The following CAPZA2 variants were observed in gnomAD, a reference collection of about 807,000 sequenced individuals.
The protein encoded by CAPZA2 is capping actin protein of muscle Z-line subunit alpha 2.
A neutral mutation model predicts 44.0 loss-of-function variants in CAPZA2; 13 were observed. The observed-to-expected ratio is 0.30, with a 90% CI of 0.19 to 0.47. The LOEUF is 0.47. Ranked by LOEUF, CAPZA2 falls within the 20% of genes least tolerant of loss-of-function variation. The probability of loss-of-function intolerance (pLI) is 1.00; values close to 1 mark genes in which losing one functional copy is unlikely to be tolerated. For synonymous variants in CAPZA2, 94 were observed against 108.2 expected (o/e 0.87, Z 0.81); for missense variants, 244 against 338.6 (o/e 0.72, Z 2.19).
In CAPZA2 at chr7:116,918,201, T is replaced by C. The variant is rs1791706023; in HGVS notation, c.*334T>C. On this transcript the variant is annotated 3_prime_UTR_variant, in exon 10 of 10. Transcript: ENST00000361183. ...ACTGTAACCCTAAAATTGATGTCTT[T>C]TGGTTTATGAAATCAGTAATTTTTG... The C allele has an allele frequency of 5.2e-6, 1 of 193,648 alleles. No individual in the cohort carries two copies. Among genetic ancestry groups the C allele is most frequent in the African/African-American group, 2.3e-5 (1 of 43,044 alleles). 12.0% of individuals were successfully genotyped at this position (193,648 alleles called of 1,614,324 possible).
intron 8 of CAPZA2, among the ~76,000 whole-genome samples, chr7:116,912,471 C>T (rs937245060): frequency 6.6e-6 from 1 of 152,134 alleles, no homozygotes; most frequent in Non-Finnish European, 1.5e-5. Context: ...AGCAATCATT[C>T]TCCATTCTAC....
intron 8 of CAPZA2, chr7:116,915,398 A>G (rs936132316): frequency 6.6e-6 from 1 of 152,208 alleles, no homozygotes; most frequent in East Asian, 1.9e-4. Context: ...AACTTGACTA[A>G]TATGCCAGTT....
intron 2 of CAPZA2, among the ~76,000 whole-genome samples, chr7:116,890,916 A>G (rs1397642679): frequency 1.3e-5 from 2 of 152,068 alleles, no homozygotes; most frequent in Non-Finnish European, 2.9e-5. Context: ...AAATTTTAGA[A>G]TTACAAAGTT....
rs938772815 is a variant in CAPZA2 at position 116,920,938 on chromosome 7, C to T, written c.*3071C>T. The T allele has an allele frequency of 6.6e-6, 1 of 152,204 alleles. No homozygotes were observed. Among genetic ancestry groups the T allele is most frequent in the African/African-American group, 2.4e-5 (1 of 41,408 alleles). The allele number at this position is 152,204 out of a possible 1,614,324, so 9.4% of individuals were successfully genotyped here. A position where few individuals can be genotyped will look rare whatever the true frequency, so the allele number is the denominator to read the frequency against. ...TGGTTTTGCCCAGAGTGAATGACCA[C>T]ATGAAGAGGGGCAGGGTATGATGAT... On this transcript the variant is annotated 3_prime_UTR_variant, in exon 10 of 10. Transcript: ENST00000361183.
chr7:116,906,239 A>C, intron 5 of CAPZA2, 24 bp from the exon 6 acceptor site: 1 of 1,603,990 alleles, frequency 6.2e-7, no homozygotes. Flanking sequence ...ATTCATTCTT[A>C]TGCTTATTTT....
chr7:116,863,571 C>T (rs1796445255), intron 1 of CAPZA2, among the ~76,000 whole-genome samples: 1 of 152,190 alleles, frequency 6.6e-6, no homozygotes, highest in South Asian at 2.1e-4. Flanking sequence ...TAATTCGCCC[C>T]TTTCGTTTGG....
rs983675946 is a variant in CAPZA2 at position 116,918,797 on chromosome 7, G to T, written c.*930G>T. The T allele has an allele frequency of 6.6e-6, 1 of 151,970 alleles. No individual in the cohort carries two copies. Among genetic ancestry groups the T allele is most frequent in the African/African-American group, 2.4e-5 (1 of 41,370 alleles). 9.4% of individuals were successfully genotyped at this position (151,970 alleles called of 1,614,324 possible). The stretch of plus-strand genomic sequence containing the variant: ...TTTTAAAATACTTTCTTTGGATATT[G>T]TAATTCTTAACTGGTTGTAAATTAG... On this transcript the variant is annotated 3_prime_UTR_variant, in exon 10 of 10. Coordinates refer to ENST00000361183, the MANE Select transcript of CAPZA2 (RefSeq NM_006136.3).
chr7:116,882,696 C>T (rs1021619046), intron 1 of CAPZA2, among the ~76,000 whole-genome samples: 4 of 151,974 alleles, frequency 2.6e-5, no homozygotes, highest in East Asian at 1.9e-4. Flanking sequence ...CTACAAGAAG[C>T]GCAATAGAAT....
chr7:116,906,505 A>G, intron 6 of CAPZA2, 163 bp downstream of exon 6: 2 of 1,227,126 alleles, frequency 1.6e-6, no homozygotes, highest in Non-Finnish European at 2.2e-6. Context: ...AATTTGCTCA[A>G]CAGCCTAATC....
chr7:116,917,157 A>G (rs1791690989), intron 9 of CAPZA2, among the ~76,000 whole-genome samples: 1 of 152,194 alleles, frequency 6.6e-6, no homozygotes, highest in Non-Finnish European at 1.5e-5. Context: ...TAAATTCAAA[A>G]TGACACACAA....
intron 1 of CAPZA2, among the ~76,000 whole-genome samples, chr7:116,887,907 A>G (rs878887568): frequency 6.6e-6 from 1 of 152,250 alleles, no homozygotes; most frequent in Non-Finnish European, 1.5e-5. Flanking sequence ...TTATTCATTC[A>G]GTATTGTATA....
chr7:116,882,910 G>C (rs1436401375), intron 1 of CAPZA2, among the ~76,000 whole-genome samples: 2 of 151,982 alleles, frequency 1.3e-5, no homozygotes, highest in Non-Finnish European at 2.9e-5. Context: ...CTTTATCATG[G>C]AGGGATAGAG....
At chr7:116,916,540 C>T (rs1791681738) in intron 9 of CAPZA2, among the ~76,000 whole-genome samples, 1 of 152,048 alleles carries the variant, frequency 6.6e-6, no homozygotes, top group South Asian at 2.1e-4. Context: ...GCAGGACAAT[C>T]GCTTGAACCT....
intron 6 of CAPZA2, among the ~76,000 whole-genome samples, chr7:116,907,733 C>T (rs778229409): frequency 1.3e-5 from 2 of 152,120 alleles, no homozygotes; most frequent in Non-Finnish European, 2.9e-5. Context: ...CTCCTGCCTC[C>T]GGTTCCCAAG....
At chr7:116,913,769 A>ATTTTTTTT (rs10717939) in intron 8 of CAPZA2, among the ~76,000 whole-genome samples, 1 of 87,710 alleles carries the variant, frequency 1.1e-5, no homozygotes, top group Non-Finnish European at 2.2e-5. Flanking sequence ...CACCCAGCTA[A>ATTTTTTTT]TTTTTTTTTT....
intron 1 of CAPZA2, chr7:116,876,155 CAGG>C (rs990786940): frequency 6.6e-6 from 1 of 150,654 alleles, no homozygotes; most frequent in Non-Finnish European, 1.5e-5. Context: ...GAGGCTGAGA[CAGG>C]AGAATGGTGT....
intron 1 of CAPZA2, among the ~76,000 whole-genome samples, chr7:116,887,719 G>A (rs1056067083): frequency 6.6e-6 from 1 of 152,236 alleles, no homozygotes; most frequent in Admixed American, 6.5e-5. Flanking sequence ...TGTAGTCCCA[G>A]CTACTTGGGA....
At chr7:116,877,119 C>G (rs1796632167) in intron 1 of CAPZA2, among the ~76,000 whole-genome samples, 1 of 152,164 alleles carries the variant, frequency 6.6e-6, no homozygotes, top group Admixed American at 6.5e-5. Context: ...CCATTCAGGG[C>G]TCTCCCTGTT....
intron 4 of CAPZA2, 41 bp from the exon 5 acceptor site, chr7:116,904,136 T>C: frequency 3.2e-6 from 4 of 1,239,736 alleles, no homozygotes; most frequent in Non-Finnish European, 4.7e-6. Flanking sequence ...ATTGAAATGC[T>C]GTTTTTTTAT....
Sources: allele counts gnomAD v4.1 joint callset (sites outside exome capture counted in the v4.1 genomes callset), GRCh38; gene constraint gnomAD v4.1.1; transcripts MANE v1.5; gene names NCBI Gene and HGNC (gene_info 2026-07-23, HGNC 2026-07-21).